TSPAN5: variants seen among roughly 807,000 people sequenced by gnomAD.
The protein encoded by TSPAN5 is tetraspanin 5.
TSPAN5 carries 10 observed loss-of-function variants against 37.1 expected under a neutral mutation model. That is an observed-to-expected ratio of 0.27 (90% confidence interval 0.17 to 0.46). The LOEUF (loss-of-function observed/expected upper bound fraction) is 0.46, where lower values mean the gene tolerates loss of function less well. TSPAN5 is among the 20% of genes least tolerant of loss of function. The pLI, the probability that TSPAN5 is intolerant of heterozygous loss-of-function variation, is 1.00. For synonymous variants in TSPAN5, 110 were observed against 118.9 expected, an observed-to-expected ratio of 0.93 and a Z score of 0.48; for missense variants, 195 against 326.6, an observed-to-expected ratio of 0.60 and a Z score of 3.11.
Position 98,501,716 on chromosome 4 carries a change from A to G in TSPAN5, c.132+5962T>C, listed in dbSNP as rs527747287. Among the ~76,000 whole-genome samples the G allele has an allele frequency of 1.8e-4, 28 of 152,340 alleles. No homozygotes were observed. In the South Asian group the frequency reaches 2.5e-3, roughly 14 times the overall value. On this transcript the variant is annotated intron_variant, in intron 2 of 7. Transcript: ENST00000305798. ...AAGTTGATAAGTAGGACCATAGGAC[A>G]CAGTGAGGAAGCACACAGTATGAAA...
At chr4:98,512,295 G>A (rs1753625849) in intron 1 of TSPAN5, among the ~76,000 whole-genome samples, 1 of 152,166 alleles carries the variant, frequency 6.6e-6, no homozygotes, top group Non-Finnish European at 1.5e-5. Flanking sequence ...CAGAAAATCT[G>A]AATCCTTAGC....
chr4:98,522,982 C>T (rs551737287), intron 1 of TSPAN5, among the ~76,000 whole-genome samples: 5 of 152,150 alleles, frequency 3.3e-5, no homozygotes, highest in Non-Finnish European at 5.9e-5. Flanking sequence ...CAGAAGCCAC[C>T]GAATATCATC....
At chr4:98,590,133 T>A (rs75402521) in intron 1 of TSPAN5, among the ~76,000 whole-genome samples, 3,967 of 152,174 alleles carry the variant, frequency 0.026, 98 homozygotes, top group African/African-American at 0.069. Flanking sequence ...AAAGGTACCT[T>A]TAACAAAAAC....
At chr4:98,580,244 C>T (rs539062529) in intron 1 of TSPAN5, among the ~76,000 whole-genome samples, 1 of 152,288 alleles carries the variant, frequency 6.6e-6, no homozygotes, top group Admixed American at 6.5e-5. Flanking sequence ...TAGGATGTGG[C>T]CACCCACCAT....
intron 1 of TSPAN5, among the ~76,000 whole-genome samples, chr4:98,553,894 C>T (rs547733290): frequency 3.2e-4 from 48 of 152,116 alleles, no homozygotes; most frequent in African/African-American, 1.2e-3. Context: ...TGACGAAACC[C>T]TGTCTCTACT....
chr4:98,476,169 A>G lies in TSPAN5; in HGVS notation c.741+20T>C, dbSNP rs752925633. ...AGGGCATTATTTCCCTGTGATATCCATAAAGGACCCTTATCTTACCTGCAG... is the reference window on the plus strand; with the variant it reads ...AGGGCATTATTTCCCTGTGATATCCGTAAAGGACCCTTATCTTACCTGCAG... On this transcript the variant is annotated intron_variant, in intron 7 of 7. Transcript: ENST00000305798. 1 of 1,586,552 alleles carries G rather than the reference A, an allele frequency of 6.3e-7. No individual in the cohort carries two copies. The highest frequency in any genetic ancestry group is 1.3e-5 in the African/African-American group (1 of 74,470).
chr4:98,633,080 G>A lies in TSPAN5; in HGVS notation c.81+25066C>T, dbSNP rs528010732. ...ACTGGTTGGACTCATGAGGGCAAAG[G>A]GAGAGCTGAAAAGGTAATACCCAAA... On this transcript the variant is annotated intron_variant, in intron 1 of 7. Coordinates refer to ENST00000305798, the MANE Select transcript of TSPAN5 (RefSeq NM_005723.4). 1.3e-4 allele frequency among the ~76,000 whole-genome samples: 20 copies of A among 152,242 alleles called. No individual in the cohort carries two copies. The South Asian group carries it at 3.7e-3, about 28-fold the overall frequency.
intron 1 of TSPAN5, among the ~76,000 whole-genome samples, chr4:98,544,415 G>A (rs902602528): frequency 2.0e-5 from 3 of 152,260 alleles, no homozygotes; most frequent in Admixed American, 2.0e-4. Flanking sequence ...CTGTGTGTGT[G>A]TGTGTATAGG....
In TSPAN5 at chr4:98,527,760, G is replaced by C. The variant is rs558303686; in HGVS notation, c.82-20032C>G. On this transcript the variant is annotated intron_variant, in intron 1 of 7. Transcript: ENST00000305798. Reference sequence around the variant, plus strand: ...ATCTATGAAGTGCACAGGGCTCCCTGGAAAAGCATGGCTGTTAAAAGCCCG... The same window carrying C: ...ATCTATGAAGTGCACAGGGCTCCCTCGAAAAGCATGGCTGTTAAAAGCCCG... Among the ~76,000 whole-genome samples, 14 of 152,242 alleles carry C rather than the reference G, an allele frequency of 9.2e-5. No individual in the cohort carries two copies. In the South Asian group the frequency reaches 1.9e-3, roughly 20 times the overall value.
chr4:98,635,446 T>C (rs1756833739), intron 1 of TSPAN5, among the ~76,000 whole-genome samples: 1 of 152,196 alleles, frequency 6.6e-6, no homozygotes, highest in African/African-American at 2.4e-5. Flanking sequence ...TCTTTTATCT[T>C]TTCACCATGG....
At chr4:98,595,566 G>A (rs1755744442) in intron 1 of TSPAN5, among the ~76,000 whole-genome samples, 1 of 129,924 alleles carries the variant, frequency 7.7e-6, no homozygotes, top group African/African-American at 3.5e-5. Flanking sequence ...TTCTCTTGTA[G>A]GCATTTAGTG....
At chr4:98,657,740 T>C (rs1279848802) in intron 1 of TSPAN5, 1 of 270,136 alleles carries the variant, frequency 3.7e-6, no homozygotes, top group African/African-American at 2.3e-5. Context: ...AAGGTGGACC[T>C]CAGGGTCGGC....
chr4:98,507,066 T>A (rs561453800), intron 2 of TSPAN5, among the ~76,000 whole-genome samples: 1 of 152,324 alleles, frequency 6.6e-6, no homozygotes, highest in East Asian at 1.9e-4. Flanking sequence ...TCACATAGAT[T>A]ACTCTGTATT....
intron 1 of TSPAN5, among the ~76,000 whole-genome samples, chr4:98,585,359 G>A (rs1196590856): frequency 5.9e-5 from 9 of 151,954 alleles, no homozygotes; most frequent in Non-Finnish European, 1.3e-4. Flanking sequence ...ACACAGACTG[G>A]AGTGCAGTGG....
chr4:98,481,407 G>A (rs967603458), intron 4 of TSPAN5, among the ~76,000 whole-genome samples: 3 of 152,134 alleles, frequency 2.0e-5, no homozygotes, highest in Non-Finnish European at 4.4e-5. Flanking sequence ...AGACGGGAGG[G>A]AGTGGCCTGG....
At chr4:98,578,055 T>G (rs1315113466) in intron 1 of TSPAN5, among the ~76,000 whole-genome samples, 1 of 152,190 alleles carries the variant, frequency 6.6e-6, no homozygotes, top group African/African-American at 2.4e-5. Flanking sequence ...CACATCCTAT[T>G]TTTTGGCACT....
At chr4:98,498,416 T>C (rs952253862) in intron 2 of TSPAN5, among the ~76,000 whole-genome samples, 1 of 152,182 alleles carries the variant, frequency 6.6e-6, no homozygotes, top group African/African-American at 2.4e-5. Context: ...AAGAAAAATA[T>C]ACACAATATG....
intron 2 of TSPAN5, among the ~76,000 whole-genome samples, chr4:98,501,509 C>T (rs577025113): frequency 7.0e-4 from 107 of 152,136 alleles, no homozygotes; most frequent in African/African-American, 2.5e-3. Flanking sequence ...AGTGATGAGT[C>T]GCATGAGAAG....
intron 4 of TSPAN5, 42 bp downstream of exon 4, chr4:98,481,963 T>A: frequency 6.2e-7 from 1 of 1,602,992 alleles, no homozygotes; most frequent in African/African-American, 1.3e-5. Context: ...GGGTCATCGT[T>A]CAGAGAACTT....
Sources: allele counts gnomAD v4.1 joint callset (sites outside exome capture counted in the v4.1 genomes callset), GRCh38; gene constraint gnomAD v4.1.1; transcripts MANE v1.5; gene names NCBI Gene and HGNC (gene_info 2026-07-23, HGNC 2026-07-21).